The following BCL2 variants were observed in gnomAD, a reference collection of about 807,000 sequenced individuals.
The protein encoded by BCL2 is BCL2 apoptosis regulator.
BCL2 carries 1 observed loss-of-function variant against 14.2 expected under a neutral mutation model. The observed-to-expected ratio is 0.07, with a 90% CI of 0.02 to 0.33. BCL2 has a LOEUF of 0.33. BCL2 is among the 10% of genes least tolerant of loss of function. BCL2 has a pLI of 0.99. For synonymous variants in BCL2, 151 were observed against 137.2 expected (o/e 1.10, Z -0.70); for missense variants, 247 against 305.9 (o/e 0.81, Z 1.44).
In BCL2 at chr18:63,149,571, TG is replaced by T. The variant is rs763514397; in HGVS notation, c.586-20813del. 2.0e-5 allele frequency among the ~76,000 whole-genome samples: 3 copies of T among 152,226 alleles called. No homozygotes were observed. Among genetic ancestry groups the T allele is most frequent in the African/African-American group, 4.8e-5 (2 of 41,448 alleles). ...ACCCTCAACCCATGTGAGGGGAAGC[TG>T]GAACTATTCACGTATTTACAGGGAG... On this transcript the variant is annotated intron_variant, in intron 2 of 2. Transcript: ENST00000333681. The surrounding 1 kb of genome is among the most constrained non-coding windows in gnomAD (Gnocchi z 4.2).
chr18:63,160,439 A>G (rs1461467297), intron 2 of BCL2, among the ~76,000 whole-genome samples: 7 of 152,162 alleles, frequency 4.6e-5, no homozygotes, highest in African/African-American at 1.7e-4. Context: ...GTTTAGAAAG[A>G]GGGAAGTTGA....
intron 2 of BCL2, among the ~76,000 whole-genome samples, chr18:63,302,093 C>T (rs2144285271): frequency 6.6e-6 from 1 of 151,670 alleles, no homozygotes; most frequent in African/African-American, 2.4e-5. Context: ...GGAGGGAGGC[C>T]GAGGCAGGTG....
rs1056621760 is a variant in BCL2 at position 63,289,766 on chromosome 18, T to C, written c.585+28316A>G. ...AAAATTAGCCAGGCATGGTGGTGCA[T>C]GCCTGTAATCCTAGCTACTTGAAAG... On this transcript the variant is annotated intron_variant, in intron 2 of 2. Coordinates refer to ENST00000333681, the MANE Select transcript of BCL2 (RefSeq NM_000633.3). 9.2e-5 allele frequency among the ~76,000 whole-genome samples: 14 copies of C among 152,186 alleles called. No homozygotes were observed. In the East Asian group the frequency reaches 1.4e-3, roughly 15 times the overall value.
At chr18:63,218,864 C>T (rs935651350) in intron 2 of BCL2, among the ~76,000 whole-genome samples, 1 of 145,328 alleles carries the variant, frequency 6.9e-6, no homozygotes, top group African/African-American at 2.5e-5. Context: ...TTCTCTCCAC[C>T]TTGGCCCTTC....
chr18:63,167,477 T>A (rs952412761), intron 2 of BCL2, among the ~76,000 whole-genome samples: 1 of 152,072 alleles, frequency 6.6e-6, no homozygotes, highest in Non-Finnish European at 1.5e-5. Flanking sequence ...TTGGGCACAT[T>A]TAAAAATAAA....
At chr18:63,277,804 T>A (rs1294212746) in intron 2 of BCL2, among the ~76,000 whole-genome samples, 1 of 152,056 alleles carries the variant, frequency 6.6e-6, no homozygotes. Context: ...AAATGGCCAA[T>A]GAAAAGGAGG....
intron 2 of BCL2, among the ~76,000 whole-genome samples, chr18:63,228,407 G>A (rs1311516197): frequency 6.6e-6 from 1 of 152,152 alleles, no homozygotes; most frequent in Non-Finnish European, 1.5e-5. Flanking sequence ...ACATGATATA[G>A]AACAGCATAA....
At chr18:63,266,604 A>ATCTCTC (rs36078664) in intron 2 of BCL2, among the ~76,000 whole-genome samples, 133 of 141,550 alleles carry the variant, frequency 9.4e-4, no homozygotes, top group Middle Eastern at 3.6e-3. Flanking sequence ...TGGAACATAA[A>ATCTCTC]TCTCTCTCTC....
intron 2 of BCL2, among the ~76,000 whole-genome samples, chr18:63,192,374 T>C (rs982049966): frequency 1.3e-5 from 2 of 152,092 alleles, no homozygotes; most frequent in East Asian, 1.9e-4. Context: ...GAGTGTGCAG[T>C]TGGTGAGAGC....
intron 2 of BCL2, among the ~76,000 whole-genome samples, chr18:63,198,826 G>A (rs138766797): frequency 4.3e-4 from 2 of 4,670 alleles, no homozygotes; most frequent in Admixed American, 2.4e-3. Flanking sequence ...CAGACACACA[G>A]ACATACACAG....
At chr18:63,162,831 C>A (rs1226338970) in intron 2 of BCL2, among the ~76,000 whole-genome samples, 2 of 151,958 alleles carry the variant, frequency 1.3e-5, no homozygotes, top group Admixed American at 1.3e-4. Flanking sequence ...CTCCTTCCTT[C>A]CTTCTTTCCA....
At chr18:63,213,532 A>C (rs1340117653) in intron 2 of BCL2, among the ~76,000 whole-genome samples, 1 of 101,740 alleles carries the variant, frequency 9.8e-6, no homozygotes, top group East Asian at 2.6e-4. Flanking sequence ...TAAACCACAC[A>C]CACACACACA....
At chr18:63,258,660 G>C (rs1400576857) in intron 2 of BCL2, among the ~76,000 whole-genome samples, 1 of 152,222 alleles carries the variant, frequency 6.6e-6, no homozygotes, top group Non-Finnish European at 1.5e-5. Context: ...CGGTCCCCCA[G>C]ATCCCTATAC....
chr18:63,202,525 G>C (rs1909723801), intron 2 of BCL2, among the ~76,000 whole-genome samples: 1 of 152,108 alleles, frequency 6.6e-6, no homozygotes, highest in Admixed American at 6.6e-5. Flanking sequence ...CTAACATTTT[G>C]TGACTATATA....
chr18:63,278,768 TA>T (rs1412257473), intron 2 of BCL2, among the ~76,000 whole-genome samples: 1 of 152,174 alleles, frequency 6.6e-6, no homozygotes, highest in African/African-American at 2.4e-5. Flanking sequence ...ATGTTACAAA[TA>T]TTTTTCCTTA....
At chr18:63,292,222 C>CAAAAA (rs749093257) in intron 2 of BCL2, among the ~76,000 whole-genome samples, 2 of 56,448 alleles carry the variant, frequency 3.5e-5, no homozygotes, top group Non-Finnish European at 4.0e-5. Context: ...AACCCCAGTG[C>CAAAAA]AAAAAAAAAA....
chr18:63,197,721 A>C (rs971779829), intron 2 of BCL2, among the ~76,000 whole-genome samples: 12 of 152,210 alleles, frequency 7.9e-5, no homozygotes, highest in African/African-American at 2.9e-4. Context: ...AGCTTTCATA[A>C]GATGATGTAA....
chr18:63,281,740 A>AAAGAAAGAAAGAAAGAAAG (rs1568256937), intron 2 of BCL2, among the ~76,000 whole-genome samples: 1 of 144,664 alleles, frequency 6.9e-6, no homozygotes, highest in African/African-American at 2.7e-5. Flanking sequence ...AAGAAAGAAA[A>AAAGAAAGAAAGAAAGAAAG]AGAGAGAGGA....
chr18:63,311,837 A>G (rs964341128), intron 2 of BCL2, among the ~76,000 whole-genome samples: 12 of 152,206 alleles, frequency 7.9e-5, no homozygotes, highest in African/African-American at 2.9e-4. Context: ...CCATACCAGT[A>G]TGTCAGGGAG....
Sources: allele counts gnomAD v4.1 joint callset (sites outside exome capture counted in the v4.1 genomes callset), GRCh38; gene constraint gnomAD v4.1.1; non-coding constraint Gnocchi (gnomAD v3.1); transcripts MANE v1.5; gene names NCBI Gene and HGNC (gene_info 2026-07-23, HGNC 2026-07-21).